SMG1: variants seen among roughly 807,000 people sequenced by gnomAD.
The protein encoded by SMG1 is SMG1 nonsense mediated mRNA decay associated PI3K related kinase.
In SMG1, 22 loss-of-function variants were observed where a neutral mutation model predicts 419.9. The observed-to-expected ratio is 0.05, with a 90% confidence interval of 0.04 to 0.07. SMG1 has a LOEUF of 0.07. Among genes scored for constraint, SMG1 ranks in the 10% least tolerant of loss-of-function variants. The probability of loss-of-function intolerance (pLI) is 1.00; values close to 1 mark genes in which losing one functional copy is unlikely to be tolerated. For missense variants in SMG1, 3,185 were observed against 4,342.0 expected (o/e 0.73, Z 7.49); for synonymous variants, 1,538 against 1,553.5 (o/e 0.99, Z 0.23).
intron 33 of SMG1, among the ~76,000 whole-genome samples, chr16:18,851,679 AT>A (rs1397261176): frequency 7.9e-5 from 12 of 152,156 alleles, no homozygotes; most frequent in Non-Finnish European, 1.8e-4. Context: ...AGTAGCTGGC[AT>A]TACAGGCATG....
At chr16:18,819,427 C>A in intron 56 of SMG1, 75 bp downstream of exon 56, 1 of 1,510,034 alleles carries the variant, frequency 6.6e-7, no homozygotes. Context: ...CCCTAGTTAC[C>A]CCACATATAA....
intron 1 of SMG1, among the ~76,000 whole-genome samples, chr16:18,902,292 T>C (rs9940202): frequency 0.07 from 10,639 of 152,220 alleles, 382 homozygotes; most frequent in African/African-American, 0.094. Context: ...CTCTGCCCTA[T>C]GCACCTCTAC....
chr16:18,833,236 G>A, intron 50 of SMG1, 70 bp from the exon 51 acceptor site: 1 of 1,233,404 alleles, frequency 8.1e-7, no homozygotes, highest in Admixed American at 2.2e-5. Flanking sequence ...TGGAGACTTA[G>A]AGCCATACAT....
In SMG1 at chr16:18,813,983, A is replaced by G. The variant is rs2031724901; in HGVS notation, c.10621+1192T>C. The stretch of plus-strand genomic sequence containing the variant: ...AAGGCGGAAGTTGCAGTGAGCCAAG[A>G]TTGCGCCACTGCACTCCAGCCTGGG... On this transcript the variant is annotated intron_variant, in intron 60 of 62. Coordinates refer to ENST00000446231, the MANE Select transcript of SMG1 (RefSeq NM_015092.5). Among the ~76,000 whole-genome samples the G allele has an allele frequency of 3.5e-5, 5 of 141,748 alleles. No homozygotes were observed. The Admixed American group carries it at 3.9e-4, about 11-fold the overall frequency. The allele number at this position is 141,748 out of a possible 152,430, so 93.0% of individuals were successfully genotyped here.
intron 41 of SMG1, among the ~76,000 whole-genome samples, chr16:18,840,427 G>A (rs1198381870): frequency 6.6e-6 from 1 of 152,122 alleles, no homozygotes; most frequent in African/African-American, 2.4e-5. Flanking sequence ...AGTCTCCTGT[G>A]CCTAGGTTTA....
At chr16:18,854,527 T>C (rs1035673341) in intron 30 of SMG1, 129 bp downstream of exon 30, 2 of 876,484 alleles carry the variant, frequency 2.3e-6, no homozygotes, top group Non-Finnish European at 1.7e-6. Flanking sequence ...TTATTCAGGA[T>C]GCAAATGTTC....
chr16:18,817,132 C>T (rs866843086), intron 57 of SMG1, among the ~76,000 whole-genome samples, 159 bp downstream of exon 57: 11 of 140,238 alleles, frequency 7.8e-5, no homozygotes, highest in African/African-American at 3.1e-4. Flanking sequence ...GGGGGGGGCG[C>T]TAAGAAAATA....
intron 55 of SMG1, among the ~76,000 whole-genome samples, chr16:18,820,896 GA>G (rs2032469108): frequency 6.6e-6 from 1 of 152,104 alleles, no homozygotes; most frequent in Non-Finnish European, 1.5e-5. Flanking sequence ...ACAATATAAA[GA>G]TACACATAAC....
At chr16:18,897,021 A>G in intron 1 of SMG1, 65 bp from the exon 2 acceptor site, 10 of 1,204,154 alleles carry the variant, frequency 8.3e-6, no homozygotes, top group Non-Finnish European at 1.0e-5. Context: ...TCTTTATACA[A>G]GCCTCTCTTC....
chr16:18,864,186 A>AAT, intron 23 of SMG1, 42 bp from the exon 24 acceptor site: 23 of 912,692 alleles, frequency 2.5e-5, no homozygotes, highest in East Asian at 6.9e-5. Context: ...TTATCTACTT[A>AAT]CTTTTTTTTT....
chr16:18,885,655 G>C lies in SMG1; in HGVS notation c.834C>G (p.Thr278=), dbSNP rs762753809. ...CATTTTCAAGAATAGACTGCAGGCTGGTCATTACAAGCTTAAAAATAAAAA... is the reference window on the plus strand; with the variant it reads ...CATTTTCAAGAATAGACTGCAGGCTCGTCATTACAAGCTTAAAAATAAAAA... ...AFSSVMQLVM[T]SLQSILENVD... is the part of the protein sequence containing the mutation. Residue 278 remains threonine (T), a synonymous_variant, in exon 7 of 63, where the codon ACC becomes ACG. Coordinates refer to ENST00000446231, the MANE Select transcript of SMG1 (RefSeq NM_015092.5). The C allele has an allele frequency of 6.3e-7, 1 of 1,595,876 alleles. No homozygotes were observed. Among genetic ancestry groups the C allele is most frequent in the East Asian group, 2.2e-5 (1 of 44,848 alleles).
chr16:18,847,766 T>C, intron 37 of SMG1, 50 bp downstream of exon 37: 2 of 1,594,956 alleles, frequency 1.3e-6, no homozygotes, highest in Admixed American at 1.7e-5. Context: ...CAAAAGCAAT[T>C]TTTATTATTC....
chr16:18,891,971 G>A (rs1439486218), intron 4 of SMG1, among the ~76,000 whole-genome samples: 1 of 152,194 alleles, frequency 6.6e-6, no homozygotes, highest in Non-Finnish European at 1.5e-5. Context: ...GGAGGCTGCA[G>A]TGGGAGGATA....
At chr16:18,869,381 G>C (rs1596556483) in intron 19 of SMG1, 78 bp from the exon 20 acceptor site, 38 of 1,246,500 alleles carry the variant, frequency 3.0e-5, no homozygotes, top group Non-Finnish European at 4.2e-5. Flanking sequence ...AAGGGGAATA[G>C]GAATAAGGAA....
At chr16:18,914,507 A>G (rs1413296806) in intron 1 of SMG1, among the ~76,000 whole-genome samples, 1 of 151,506 alleles carries the variant, frequency 6.6e-6, no homozygotes, top group Admixed American at 6.6e-5. Context: ...AGACGGTGAA[A>G]CCCCATCTCT....
chr16:18,897,643 T>A (rs914277480), intron 1 of SMG1, among the ~76,000 whole-genome samples: 11 of 150,526 alleles, frequency 7.3e-5, no homozygotes, highest in African/African-American at 2.5e-4. Context: ...TTTAGAATAA[T>A]ACCTGATGCT....
At position 18,863,862 on chromosome 16, in the gene SMG1, T is replaced by G; in HGVS notation, c.3494-11A>C. On this transcript the variant is annotated splice_polypyrimidine_tract_variant and intron_variant, in intron 24 of 62. Transcript: ENST00000446231. ...TTTTTCTGGATTCACCTGAAAGTAT[T>G]TTATAAAATAAGAAGAGAGAGATTC... 1 of 1,586,448 alleles carries G rather than the reference T, an allele frequency of 6.3e-7. No individual in the cohort carries two copies. Among genetic ancestry groups the G allele is most frequent in the Non-Finnish European group, 8.6e-7 (1 of 1,159,322 alleles).
intron 1 of SMG1, among the ~76,000 whole-genome samples, chr16:18,922,984 A>C (rs961014375): frequency 1.3e-5 from 2 of 152,144 alleles, no homozygotes; most frequent in African/African-American, 4.8e-5. Flanking sequence ...GTGGATGCTG[A>C]GGCAGGAGGC....
intron 1 of SMG1, among the ~76,000 whole-genome samples, chr16:18,924,425 A>C (rs2038312446): frequency 6.6e-6 from 1 of 152,352 alleles, no homozygotes; most frequent in Non-Finnish European, 1.5e-5. Flanking sequence ...AAAGGTTACT[A>C]AATTCTCTTA....
Sources: gnomAD v4.1 joint callset for allele counts (sites outside exome capture counted in the v4.1 genomes callset) on GRCh38, gnomAD v4.1.1 for gene constraint, MANE v1.5 for transcripts, NCBI Gene and HGNC (gene_info 2026-07-23, HGNC 2026-07-21) for gene names.